Variants in COL8A2 observed in about 807,000 individuals in gnomAD.
COL8A2 encodes collagen alpha-2(VIII) chain.
COL8A2 carries 16 observed loss-of-function variants against 24.0 expected under a neutral mutation model. The ratio of observed to expected loss-of-function variants is 0.67; its 90% confidence interval spans 0.45 to 1.01. The LOEUF (loss-of-function observed/expected upper bound fraction) is 1.01, where lower values mean the gene tolerates loss of function less well. COL8A2 is among the 50% of genes least tolerant of loss of function. The probability of loss-of-function intolerance (pLI) is 0.00; values close to 1 mark genes in which losing one functional copy is unlikely to be tolerated. For missense variants in COL8A2, 818 were observed against 942.4 expected, an observed-to-expected ratio of 0.87 and a Z score of 1.73; for synonymous variants, 466 against 424.5, an observed-to-expected ratio of 1.10 and a Z score of -1.20.
In COL8A2 at chr1:36,125,080, C is replaced by G; in HGVS notation, c.-85G>C. On this transcript the variant is annotated 5_prime_UTR_variant, in exon 1 of 4. Transcript: ENST00000397799. This position sits in a 1 kb window ranked among gnomAD's most constrained non-coding sequence, Gnocchi z 4.5. ...ACCTGCGGGCGCGGCCGCCGGGCGCCGCTCCCGGCCCTCGAGGGCGGCCCG... is the reference window on the plus strand; with the variant it reads ...ACCTGCGGGCGCGGCCGCCGGGCGCGGCTCCCGGCCCTCGAGGGCGGCCCG... 1.0e-6 allele frequency: 1 copy of G among 980,200 alleles called. No homozygotes were observed. Among genetic ancestry groups the G allele is most frequent in the Non-Finnish European group, 1.2e-6 (1 of 826,614 alleles). The allele number at this position is 980,200 out of a possible 1,614,324, so 60.7% of individuals were successfully genotyped here. A position where few individuals can be genotyped will look rare whatever the true frequency, so the allele number is the denominator to read the frequency against.
In COL8A2 at chr1:36,115,366, G is replaced by A. The variant is rs1278395356; in HGVS notation, c.-17+342C>T. Among the ~76,000 whole-genome samples, 2 of 152,318 alleles carry A rather than the reference G, an allele frequency of 1.3e-5. No individual in the cohort carries two copies. The highest frequency in any genetic ancestry group is 1.9e-4 in the East Asian group (1 of 5,172). On this transcript the variant is annotated intron_variant, in intron 2 of 3. Transcript: ENST00000397799. This position sits in a 1 kb window ranked among gnomAD's most constrained non-coding sequence, Gnocchi z 5.7. The stretch of plus-strand genomic sequence containing the variant: ...GCCTCTGCGGCTACCCTGCGTGGTG[G>A]CGGCAGCAGCGGCAGCAGGAGGGGC...
chr1:36,125,190 G>T lies in COL8A2; in HGVS notation c.-195C>A. On this transcript the variant is annotated 5_prime_UTR_variant, in exon 1 of 4. Transcript: ENST00000397799. The surrounding 1 kb of genome is among the most constrained non-coding windows in gnomAD (Gnocchi z 4.5). Reference sequence around the variant, plus strand: ...GTCCGCGCCGGCGGGGTTCCGCGTCGCTCTGCCGGCCGCCCCTCGCGGCTG... The same window carrying T: ...GTCCGCGCCGGCGGGGTTCCGCGTCTCTCTGCCGGCCGCCCCTCGCGGCTG... The T allele has an allele frequency of 2.6e-6, 1 of 385,124 alleles. No homozygotes were observed. The highest frequency in any genetic ancestry group is 3.5e-6 in the Non-Finnish European group (1 of 282,936). 23.9% of individuals were successfully genotyped at this position (385,124 alleles called of 1,614,324 possible).
Position 36,098,073 on chromosome 1 carries a change from G to C in COL8A2, c.1608C>G (p.Phe536Leu). The C allele has an allele frequency of 6.4e-7, 1 of 1,571,076 alleles. No homozygotes were observed. The highest frequency in any genetic ancestry group is 8.6e-7 in the Non-Finnish European group (1 of 1,163,254). The part of the protein sequence containing the change: ...PPGPPGAPGA[F>L]DETGIAGLHL... ...GCAAGCCTGCGATGCCAGTCTCATC[G>C]AAGGCCCCAGGGGCACCAGGGGGTC... is the stretch of plus-strand genomic sequence containing the variant. Residue 536 changes from phenylalanine to leucine, a missense_variant, in exon 4 of 4, where the codon TTC (phenylalanine) becomes TTG (leucine). Transcript: ENST00000397799.
Position 36,098,083 on chromosome 1 carries a change from G to A in COL8A2, c.1598C>T (p.Pro533Leu). 1.3e-6 allele frequency: 2 copies of A among 1,546,336 alleles called. No homozygotes were observed. The highest frequency in any genetic ancestry group is 8.7e-7 in the Non-Finnish European group (1 of 1,153,396). The change falls in exon 4 of 4, where the codon CCT becomes CTT. Residue 533 changes from proline (P) to leucine (L), a missense_variant. By Grantham distance (98) the Pro-to-Leu change is moderately conservative. This residue lies in a region of COL8A2 where 235 missense variants were observed against 297.3 expected (regional missense o/e 0.79). Transcript: ENST00000397799. ...GATGCCAGTCTCATCGAAGGCCCCA[G>A]GGGCACCAGGGGGTCCCGGGGGCCC... Reference protein sequence around the residue: ...PPGPPGPPGAPGAFDETGIAG... With the variant: ...PPGPPGPPGALGAFDETGIAG...
rs1433091470 is a variant in COL8A2, at chr1:36,095,367, C to T, written c.*2202G>A. 1 of 151,978 alleles carries T rather than the reference C, an allele frequency of 6.6e-6. No individual in the cohort carries two copies. The highest frequency in any genetic ancestry group is 1.5e-5 in the Non-Finnish European group (1 of 68,000). 9.4% of individuals were successfully genotyped at this position (151,978 alleles called of 1,614,324 possible). ...TTCCTGAATCTTCTGTGATACAGGG[C>T]ACATGATAGGTATGTAGAGAGCTAA... On this transcript the variant is annotated 3_prime_UTR_variant, in exon 4 of 4. Transcript: ENST00000397799.
chr1:36,098,893 CT>C lies in COL8A2; in HGVS notation c.787del (p.Arg263GlyfsTer15). The C allele has an allele frequency of 6.2e-7, 1 of 1,612,058 alleles. No individual in the cohort carries two copies. Among genetic ancestry groups the C allele is most frequent in the Non-Finnish European group, 8.5e-7 (1 of 1,179,536 alleles). On this transcript the variant is annotated frameshift_variant, in exon 4 of 4. Transcript: ENST00000397799. LOFTEE classifies it low-confidence loss of function (END_TRUNC). ...ESGPPGVPGPRGEPGAVGPKG... is the reference protein window; with the variant it reads ...ESGPPGVPGPXGEPGAVGPKG... Reference sequence around the variant, plus strand: ...TGGGCCCACAGCTCCTGGCTCCCCCCTGGGGCCTGGAACTCCAGGAGGCCCA... The same window carrying C: ...TGGGCCCACAGCTCCTGGCTCCCCCCGGGGCCTGGAACTCCAGGAGGCCCA...
At chr1:36,111,230 C>T (rs1340884373) in intron 2 of COL8A2, among the ~76,000 whole-genome samples, 2 of 152,122 alleles carry the variant, frequency 1.3e-5, no homozygotes, top group East Asian at 1.9e-4. Context: ...CATCACTCCC[C>T]AGCCCTTCTC....
At chr1:36,112,881 C>T (rs1643862169) in intron 2 of COL8A2, among the ~76,000 whole-genome samples, 1 of 152,196 alleles carries the variant, frequency 6.6e-6, no homozygotes, top group Non-Finnish European at 1.5e-5. Context: ...GGACGCTGAC[C>T]CTGCCCGTCT....
In COL8A2 at chr1:36,096,695, A is replaced by G. The variant is rs1643570932; in HGVS notation, c.*874T>C. 6.6e-6 allele frequency: 1 copy of G among 152,270 alleles called. No homozygotes were observed. The highest frequency in any genetic ancestry group is 1.5e-5 in the Non-Finnish European group (1 of 68,130). 9.4% of individuals were successfully genotyped at this position (152,270 alleles called of 1,614,324 possible). On this transcript the variant is annotated 3_prime_UTR_variant, in exon 4 of 4. Transcript: ENST00000397799. Reference sequence around the variant, plus strand: ...GAAGGGGAGAAAGGGAAGAGTGCTCATGTTTGCTGATGGTCGATTCTGCCT... The same window carrying G: ...GAAGGGGAGAAAGGGAAGAGTGCTCGTGTTTGCTGATGGTCGATTCTGCCT...
At chr1:36,109,901 G>A (rs1553178467) in intron 2 of COL8A2, among the ~76,000 whole-genome samples, 1 of 139,518 alleles carries the variant, frequency 7.2e-6, no homozygotes. Context: ...AGGCCTTGGA[G>A]TAACCACTCT....
At chr1:36,122,422 C>T (rs1643920441) in intron 1 of COL8A2, among the ~76,000 whole-genome samples, 1 of 152,160 alleles carries the variant, frequency 6.6e-6, no homozygotes, top group South Asian at 2.1e-4. Flanking sequence ...GTCAGACTTC[C>T]ATGACTGGTA....
intron 2 of COL8A2, among the ~76,000 whole-genome samples, chr1:36,101,243 T>C (rs1643676333): frequency 6.6e-6 from 1 of 152,118 alleles, no homozygotes; most frequent in East Asian, 1.9e-4. Context: ...TCCAACTCTA[T>C]TGCCTGCTAT....
chr1:36,120,872 T>G (rs1330693452), intron 1 of COL8A2, among the ~76,000 whole-genome samples: 2 of 151,344 alleles, frequency 1.3e-5, no homozygotes, highest in African/African-American at 4.9e-5. Flanking sequence ...GTGGCTCACT[T>G]GAAGTCAGGA....
intron 2 of COL8A2, among the ~76,000 whole-genome samples, chr1:36,112,934 G>T (rs1304955929): frequency 6.6e-6 from 1 of 152,172 alleles, no homozygotes; most frequent in African/African-American, 2.4e-5. Flanking sequence ...GCTGTCCCCT[G>T]CTCTGGATTT....
Position 36,097,436 on chromosome 1 carries a change from A to G in COL8A2, c.*133T>C. Reference sequence around the variant, plus strand: ...CCTGCATGCAGGGAGAAAGCAAGTTAGTCTCCTCGGGCCAAGGCCACGGCC... The same window carrying G: ...CCTGCATGCAGGGAGAAAGCAAGTTGGTCTCCTCGGGCCAAGGCCACGGCC... On this transcript the variant is annotated 3_prime_UTR_variant, in exon 4 of 4. Transcript: ENST00000397799. The G allele has an allele frequency of 1.4e-6, 1 of 728,810 alleles. No homozygotes were observed. Among genetic ancestry groups the G allele is most frequent in the Non-Finnish European group, 2.3e-6 (1 of 427,208 alleles). The allele number at this position is 728,810 out of a possible 1,614,324, so 45.1% of individuals were successfully genotyped here. A position where few individuals can be genotyped will look rare whatever the true frequency, so the allele number is the denominator to read the frequency against.
intron 2 of COL8A2, among the ~76,000 whole-genome samples, chr1:36,109,698 T>C (rs1336524048): frequency 6.6e-6 from 1 of 151,836 alleles, no homozygotes; most frequent in Non-Finnish European, 1.5e-5. Flanking sequence ...ACCTCCTGAA[T>C]AGCTGGGACT....
chr1:36,106,040 G>A (rs977424053), intron 2 of COL8A2, among the ~76,000 whole-genome samples: 1 of 151,686 alleles, frequency 6.6e-6, no homozygotes, highest in Admixed American at 6.6e-5. Context: ...GGAGGCCGAG[G>A]CAGGCGGATC....
chr1:36,102,169 T>C (rs774145133), intron 2 of COL8A2, among the ~76,000 whole-genome samples: 2 of 151,896 alleles, frequency 1.3e-5, no homozygotes, highest in African/African-American at 4.8e-5. Flanking sequence ...GGTCTCAAAA[T>C]ATATATATAT....
chr1:36,113,698 T>C (rs1390152944), intron 2 of COL8A2, among the ~76,000 whole-genome samples: 9 of 152,154 alleles, frequency 5.9e-5, no homozygotes, highest in Non-Finnish European at 1.2e-4. Flanking sequence ...CTCACCCAGG[T>C]TGAAGGCAGG....
Sources: gnomAD v4.1 joint callset for allele counts (sites outside exome capture counted in the v4.1 genomes callset) on GRCh38, gnomAD v4.1.1 for gene constraint, gnomAD v4.1.1 regional missense constraint, Gnocchi (gnomAD v3.1) non-coding constraint, MANE v1.5 for transcripts, NCBI Gene and HGNC (gene_info 2026-07-23, HGNC 2026-07-21) for gene names.